The following PTBP2 variants were observed in gnomAD, a reference collection of about 807,000 sequenced individuals.
PTBP2 encodes the protein polypyrimidine tract binding protein 2.
In PTBP2, 13 loss-of-function variants were observed where a neutral mutation model predicts 61.4. The observed-to-expected ratio is 0.21, with a 90% CI of 0.14 to 0.34. The LOEUF (loss-of-function observed/expected upper bound fraction) is 0.34. Ranked by LOEUF, PTBP2 falls within the 10% of genes least tolerant of loss-of-function variation. PTBP2 has a pLI of 1.00. For synonymous variants in PTBP2, 215 were observed against 218.5 expected (o/e 0.98, Z 0.14); for missense variants, 405 against 642.6 (o/e 0.63, Z 4.00).
chr1:96,756,827 A>G (rs942063680), intron 3 of PTBP2, among the ~76,000 whole-genome samples: 2 of 152,224 alleles, frequency 1.3e-5, no homozygotes, highest in Admixed American at 6.5e-5. Flanking sequence ...TAGGGTACTG[A>G]AAATATTCTG....
At chr1:96,816,497 G>A (rs1050500878), downstream of PTBP2, 1 of 151,926 alleles carries the variant, frequency 6.6e-6, no homozygotes, top group African/African-American at 2.4e-5. Context: ...TTTGGAAATG[G>A]GTTTTAAAGT....
intron 8 of PTBP2, among the ~76,000 whole-genome samples, chr1:96,794,164 A>G (rs1193935348): frequency 4.6e-5 from 7 of 152,072 alleles, no homozygotes; most frequent in African/African-American, 7.2e-5. Context: ...TTCTGTGACA[A>G]TCCGTTGATA....
rs1372990489 is a variant in PTBP2 at position 96,812,905 on chromosome 1, C to T, written c.1365C>T (p.Ala455=). ...KNFQNIFPPS[A]TLHLSNIPPS... ...TTCAAAACATTTTTCCTCCTTCTGC[C>T]ACCCTTCACCTATCTAATATCCCGT... The change falls in exon 12 of 14, where the codon GCC becomes GCT. Residue 455 remains alanine, a synonymous_variant. Transcript: ENST00000674951. 2 of 1,612,962 alleles carry T rather than the reference C, an allele frequency of 1.2e-6. No homozygotes were observed. Among genetic ancestry groups the T allele is most frequent in the Non-Finnish European group, 1.7e-6 (2 of 1,179,036 alleles).
chr1:96,770,011 G>A (rs1657207614), intron 4 of PTBP2, 136 bp downstream of exon 4: 3 of 635,114 alleles, frequency 4.7e-6, no homozygotes, highest in Admixed American at 4.1e-5. Context: ...TCGAGTAGAT[G>A]TCTGTGGGAA....
At chr1:96,769,090 C>G (rs995282211) in intron 3 of PTBP2, among the ~76,000 whole-genome samples, 1 of 151,908 alleles carries the variant, frequency 6.6e-6, no homozygotes, top group African/African-American at 2.4e-5. Context: ...AGGATACTCT[C>G]GGAGAAATGC....
intron 4 of PTBP2, 61 bp downstream of exon 4, chr1:96,769,936 A>T: frequency 7.6e-7 from 1 of 1,310,388 alleles, no homozygotes; most frequent in South Asian, 1.9e-5. Flanking sequence ...GGTGTGAATT[A>T]ATTGTAAAAG....
intron 3 of PTBP2, among the ~76,000 whole-genome samples, chr1:96,764,959 G>A (rs1418202218): frequency 2.0e-5 from 3 of 152,154 alleles, no homozygotes; most frequent in Admixed American, 2.0e-4. Flanking sequence ...ACGGAAACCT[G>A]GTGAGGCTTT....
chr1:96,731,743 A>G (rs1009066952), intron 2 of PTBP2, among the ~76,000 whole-genome samples: 1 of 152,234 alleles, frequency 6.6e-6, no homozygotes, highest in African/African-American at 2.4e-5. Context: ...GCTCAGTGAG[A>G]CTATTAAGAA....
Position 96,786,582 on chromosome 1 carries a change from C to G in PTBP2, c.904+1328C>G, listed in dbSNP as rs530223644. On this transcript the variant is annotated intron_variant, in intron 8 of 13. Transcript: ENST00000674951. ...ATAATTATTACTATAGATTATTAAA[C>G]TCTTTACTGATAGACATTGTTTTAG... is the stretch of plus-strand genomic sequence containing the variant. Among the ~76,000 whole-genome samples the G allele has an allele frequency of 7.9e-5, 12 of 152,260 alleles. No individual in the cohort carries two copies. The South Asian group carries it at 8.3e-4, about 11-fold the overall frequency.
chr1:96,744,780 A>T (rs1417115037), intron 2 of PTBP2, among the ~76,000 whole-genome samples: 1 of 152,196 alleles, frequency 6.6e-6, no homozygotes. Flanking sequence ...TTATGGTTTG[A>T]TCATTCTTTT....
chr1:96,797,751 C>G (rs1557766050), intron 8 of PTBP2, among the ~76,000 whole-genome samples: 1 of 152,076 alleles, frequency 6.6e-6, no homozygotes, highest in Non-Finnish European at 1.5e-5. Context: ...TTACCCAGTA[C>G]AATATAAATG....
downstream of PTBP2, chr1:96,816,799 C>T (rs1662504275): frequency 1.3e-5 from 2 of 152,110 alleles, no homozygotes; most frequent in Non-Finnish European, 2.9e-5. Flanking sequence ...AAGTTCTGCT[C>T]TGCTCCCCTC....
intron 5 of PTBP2, 55 bp downstream of exon 5, chr1:96,770,906 T>G (rs1232436826): frequency 7.1e-7 from 1 of 1,402,822 alleles, no homozygotes; most frequent in African/African-American, 1.4e-5. Flanking sequence ...ATGAATCTCA[T>G]AAACATTAAT....
At chr1:96,752,538 A>G (rs906869803) in intron 3 of PTBP2, among the ~76,000 whole-genome samples, 2 of 152,262 alleles carry the variant, frequency 1.3e-5, no homozygotes, top group Admixed American at 6.5e-5. Flanking sequence ...GGTCATTATC[A>G]TTGATTTTGC....
chr1:96,804,887 G>T lies in PTBP2; in HGVS notation c.992G>T (p.Gly331Val). Residue 331 changes from glycine to valine, a missense_variant, in exon 9 of 14, where the codon GGA (glycine) becomes GTA (valine). Physicochemically the swap from Gly to Val is moderately radical, Grantham distance 109. Transcript: ENST00000674951. ...AAAAGRVGMP[G>V]VSAGGNTVLL... is the part of the protein sequence containing the mutation. Reference sequence around the variant, plus strand: ...GCTGCTGGCCGAGTGGGTATGCCTGGAGTCTCAGCTGGTGGCAATACAGTC... The same window carrying T: ...GCTGCTGGCCGAGTGGGTATGCCTGTAGTCTCAGCTGGTGGCAATACAGTC... 6.2e-7 allele frequency: 1 copy of T among 1,611,480 alleles called. No homozygotes were observed. Among genetic ancestry groups the T allele is most frequent in the Non-Finnish European group, 8.5e-7 (1 of 1,178,546 alleles).
chr1:96,806,429 C>T lies in PTBP2; in HGVS notation c.1055C>T (p.Pro352Leu). Residue 352 changes from proline (P) to leucine (L), a missense_variant, in exon 10 of 14, where the codon CCC becomes CTC. By Grantham distance (98) the Pro-to-Leu change is moderately conservative. Coordinates refer to ENST00000674951, the MANE Select transcript of PTBP2 (RefSeq NM_021190.4). Reference protein sequence around the residue: ...VSNLNEEMVTPQSLFTLFGVY... With the variant: ...VSNLNEEMVTLQSLFTLFGVY... ...TCTCTCCTTCTAAAGATGGTTACGC[C>T]CCAAAGTCTGTTTACCCTCTTCGGT... The T allele has an allele frequency of 6.2e-7, 1 of 1,601,218 alleles. No homozygotes were observed. The highest frequency in any genetic ancestry group is 1.1e-5 in the South Asian group (1 of 90,820).
intron 11 of PTBP2, among the ~76,000 whole-genome samples, chr1:96,811,926 A>G (rs796210949): frequency 6.6e-6 from 1 of 152,194 alleles, no homozygotes; most frequent in South Asian, 2.1e-4. Flanking sequence ...GTTTTCACAC[A>G]CTGCACTATG....
intron 8 of PTBP2, among the ~76,000 whole-genome samples, chr1:96,801,065 G>A (rs1660939139): frequency 6.6e-6 from 1 of 152,074 alleles, no homozygotes. Context: ...CTCAAGATAT[G>A]AAGCAGTTTT....
chr1:96,806,444 C>T lies in PTBP2; in HGVS notation c.1070C>T (p.Thr357Ile). 2 of 1,604,130 alleles carry T rather than the reference C, an allele frequency of 1.2e-6. No homozygotes were observed. Among genetic ancestry groups the T allele is most frequent in the Non-Finnish European group, 1.7e-6 (2 of 1,171,058 alleles). The change falls in exon 10 of 14, where the codon ACC (threonine) becomes ATC (isoleucine). Residue 357 changes from threonine (T) to isoleucine (I), a missense_variant. By Grantham distance (89) the Thr-to-Ile change is moderately conservative (BLOSUM62 -1). Around this residue, in one of 4 missense-constraint regions of PTBP2, gnomAD observed 342 missense variants for 491.2 expected, o/e 0.70. Coordinates refer to ENST00000674951, the MANE Select transcript of PTBP2 (RefSeq NM_021190.4). ...EEMVTPQSLF[T>I]LFGVYGDVQR... ...ATGGTTACGCCCCAAAGTCTGTTTA[C>T]CCTCTTCGGTATGTTATTGTTAGCA...
Sources: allele counts gnomAD v4.1 joint callset (sites outside exome capture counted in the v4.1 genomes callset), GRCh38; gene constraint gnomAD v4.1.1; regional missense constraint gnomAD v4.1.1; transcripts MANE v1.5; gene names NCBI Gene and HGNC (gene_info 2026-07-23, HGNC 2026-07-21).